The following CFAP77 variants were observed in gnomAD, a reference collection of about 807,000 sequenced individuals.
CFAP77 encodes cilia- and flagella-associated protein 77.
A neutral mutation model predicts 31.1 loss-of-function variants in CFAP77; 25 were observed. The observed-to-expected ratio is 0.80, with a 90% confidence interval of 0.59 to 1.12. The LOEUF is 1.12. CFAP77 is among the 50% of genes most tolerant of loss of function. CFAP77 has a pLI of 0.00. For synonymous variants in CFAP77, 151 were observed against 159.9 expected (o/e 0.94, Z 0.42); for missense variants, 377 against 397.3 (o/e 0.95, Z 0.44).
At chr9:132,478,618 C>T (rs562471281) in intron 1 of CFAP77, among the ~76,000 whole-genome samples, 2 of 152,220 alleles carry the variant, frequency 1.3e-5, no homozygotes, top group South Asian at 2.1e-4. Context: ...ACAAAAAACG[C>T]GAGGCTTCTC....
intron 3 of CFAP77, among the ~76,000 whole-genome samples, chr9:132,502,765 G>A (rs1034681775): frequency 3.9e-5 from 6 of 152,196 alleles, no homozygotes; most frequent in East Asian, 1.9e-4. Flanking sequence ...TGCTGTGGAC[G>A]TGGACGGACA....
At chr9:132,452,149 G>A (rs1850839476) in intron 1 of CFAP77, among the ~76,000 whole-genome samples, 3 of 152,108 alleles carry the variant, frequency 2.0e-5, no homozygotes, top group South Asian at 2.1e-4. Context: ...CCCCCATTGC[G>A]AGCCCATTAG....
intron 3 of CFAP77, among the ~76,000 whole-genome samples, chr9:132,512,054 A>T (rs986760781): frequency 9.8e-5 from 14 of 143,558 alleles, no homozygotes; most frequent in African/African-American, 3.0e-4. Context: ...AACTCTGTTT[A>T]AAAAAAAAAA....
intron 1 of CFAP77, among the ~76,000 whole-genome samples, chr9:132,489,872 G>A (rs192303086): frequency 8.7e-4 from 133 of 152,244 alleles, no homozygotes; most frequent in African/African-American, 3.0e-3. Context: ...ACCGAGTCTC[G>A]TCAGTTTCAC....
intron 5 of CFAP77, among the ~76,000 whole-genome samples, chr9:132,555,534 C>T (rs912920826): frequency 1.4e-4 from 22 of 152,166 alleles, no homozygotes; most frequent in Non-Finnish European, 5.9e-5. Flanking sequence ...TGGATAAGCA[C>T]CTTGTGCTAC....
At chr9:132,506,752 A>G (rs1851937000) in intron 3 of CFAP77, among the ~76,000 whole-genome samples, 1 of 152,162 alleles carries the variant, frequency 6.6e-6, no homozygotes, top group Non-Finnish European at 1.5e-5. Context: ...CTAACTCTGA[A>G]TAGCTCAGTG....
intron 3 of CFAP77, among the ~76,000 whole-genome samples, chr9:132,513,087 G>A (rs774575292): frequency 7.2e-5 from 11 of 152,200 alleles, no homozygotes; most frequent in Admixed American, 2.0e-4. Flanking sequence ...GGGATGTTTC[G>A]ATACTGGCAT....
intron 1 of CFAP77, among the ~76,000 whole-genome samples, chr9:132,491,325 G>GGT (rs1851650642): frequency 6.6e-6 from 1 of 152,114 alleles, no homozygotes; most frequent in Non-Finnish European, 1.5e-5. Flanking sequence ...AAATTAGCTG[G>GGT]GTGTGGTGGT....
intron 1 of CFAP77, among the ~76,000 whole-genome samples, chr9:132,494,114 A>G (rs911461433): frequency 6.6e-6 from 1 of 151,976 alleles, no homozygotes; most frequent in Non-Finnish European, 1.5e-5. Context: ...GTTTTGCTAT[A>G]TTGCCCAGGA....
At chr9:132,519,460 G>A (rs1211382491) in intron 3 of CFAP77, among the ~76,000 whole-genome samples, 1 of 5,204 alleles carries the variant, frequency 1.9e-4, no homozygotes. Flanking sequence ...GGATGGGTGG[G>A]TGGGTAGATG....
chr9:132,475,478 G>C (rs1316550631), intron 1 of CFAP77, among the ~76,000 whole-genome samples: 1 of 152,200 alleles, frequency 6.6e-6, no homozygotes, highest in Non-Finnish European at 1.5e-5. Flanking sequence ...GGGATGCAGA[G>C]CCCACTTTGG....
At chr9:132,506,381 C>T (rs1028479990) in intron 3 of CFAP77, among the ~76,000 whole-genome samples, 18 of 152,140 alleles carry the variant, frequency 1.2e-4, no homozygotes, top group Non-Finnish European at 2.1e-4. Flanking sequence ...CGCATGCCCT[C>T]GGCACATCTT....
chr9:132,553,760 C>A (rs1489502976), intron 5 of CFAP77, among the ~76,000 whole-genome samples: 1 of 152,252 alleles, frequency 6.6e-6, no homozygotes, highest in African/African-American at 2.4e-5. Context: ...TCCACCAGTC[C>A]ATGCTGCATT....
intron 1 of CFAP77, among the ~76,000 whole-genome samples, chr9:132,476,814 C>T (rs922352249): frequency 2.0e-5 from 3 of 151,152 alleles, no homozygotes; most frequent in East Asian, 3.9e-4. Flanking sequence ...TGGAATGAGT[C>T]CCCCCTCGGA....
Position 132,424,655 on chromosome 9 carries a change from C to T in CFAP77, c.195+14189C>T, listed in dbSNP as rs1026280869. On this transcript the variant is annotated intron_variant, in intron 1 of 5. Coordinates refer to ENST00000393216, the MANE Select transcript of CFAP77 (RefSeq NM_001282957.2). The surrounding 1 kb of genome is among the most constrained non-coding windows in gnomAD (Gnocchi z 4.1). ...GATCAGGTGAGGACCGCTCAAGGAG[C>T]CTTCACTTTGGGTGTCACCACTTGA... Among the ~76,000 whole-genome samples, 2 of 152,182 alleles carry T rather than the reference C, an allele frequency of 1.3e-5. No individual in the cohort carries two copies. The highest frequency in any genetic ancestry group is 4.8e-5 in the African/African-American group (2 of 41,440).
chr9:132,456,899 C>T (rs1053295608), intron 1 of CFAP77, among the ~76,000 whole-genome samples: 2 of 152,116 alleles, frequency 1.3e-5, no homozygotes, highest in Non-Finnish European at 2.9e-5. Flanking sequence ...TACAAGTGTG[C>T]ACCACCGTGT....
chr9:132,535,090 A>G (rs1438831304), intron 3 of CFAP77, among the ~76,000 whole-genome samples: 2 of 152,252 alleles, frequency 1.3e-5, no homozygotes, highest in African/African-American at 4.8e-5. Flanking sequence ...TGTCACTTCT[A>G]GACTTTTACA....
chr9:132,422,418 C>G (rs1257093252), intron 1 of CFAP77, among the ~76,000 whole-genome samples: 1 of 152,206 alleles, frequency 6.6e-6, no homozygotes, highest in Non-Finnish European at 1.5e-5. Flanking sequence ...TAGGGAAGCC[C>G]CACCTGGAAG....
At chr9:132,525,810 T>A (rs1852349241) in intron 3 of CFAP77, among the ~76,000 whole-genome samples, 2 of 152,246 alleles carry the variant, frequency 1.3e-5, no homozygotes, top group Non-Finnish European at 2.9e-5. Flanking sequence ...ATATATGGAA[T>A]CACACAGCGT....
Sources: gnomAD v4.1 joint callset for allele counts (sites outside exome capture counted in the v4.1 genomes callset) on GRCh38, gnomAD v4.1.1 for gene constraint, Gnocchi (gnomAD v3.1) non-coding constraint, MANE v1.5 for transcripts, NCBI Gene and HGNC (gene_info 2026-07-23, HGNC 2026-07-21) for gene names.